ANKRD28: variants seen among roughly 807,000 people sequenced by gnomAD.
ANKRD28 encodes the protein ankyrin repeat domain 28.
In ANKRD28, 44 loss-of-function variants were observed where a neutral mutation model predicts 126.5. The observed-to-expected ratio is 0.35, with a 90% CI of 0.27 to 0.45. The LOEUF is 0.45. ANKRD28 is among the 20% of genes least tolerant of loss of function. The pLI is 1.00. For missense variants in ANKRD28, 1,110 were observed against 1,316.6 expected, an observed-to-expected ratio of 0.84 and a Z score of 2.43; for synonymous variants, 442 against 468.5, an observed-to-expected ratio of 0.94 and a Z score of 0.73.
chr3:15,679,855 AAAAC>A (rs1465724542), intron 21 of ANKRD28, among the ~76,000 whole-genome samples: 2 of 152,170 alleles, frequency 1.3e-5, no homozygotes, highest in African/African-American at 4.8e-5. Context: ...GGGGAAAAAA[AAAAC>A]AGAGCAGACT....
At position 15,742,374 on chromosome 3, in the gene ANKRD28, C is replaced by T. The variant is rs1456776781; in HGVS notation, c.352-5141G>A. ...CGCCCATCGTCTGAGATGTGGGGAG[C>T]GCCTCTGCCCCGCCGCCCCGTCTGG... On this transcript the variant is annotated intron_variant, in intron 4 of 27. Coordinates refer to ENST00000683139, the MANE Select transcript of ANKRD28 (RefSeq NM_001349278.2). 8.7e-5 allele frequency among the ~76,000 whole-genome samples: 13 copies of T among 149,504 alleles called. No individual in the cohort carries two copies. The East Asian group carries it at 2.0e-3, about 23-fold the overall frequency.
At chr3:15,671,726 C>A (rs1022534625) in intron 27 of ANKRD28, among the ~76,000 whole-genome samples, 1 of 151,552 alleles carries the variant, frequency 6.6e-6, no homozygotes, top group African/African-American at 2.4e-5. Context: ...TGGGATTACA[C>A]GTGTGTGCCA....
chr3:15,829,790 T>C (rs1039610769), intron 1 of ANKRD28, among the ~76,000 whole-genome samples: 1 of 152,210 alleles, frequency 6.6e-6, no homozygotes, highest in African/African-American at 2.4e-5. Context: ...AATTTCATCA[T>C]CTGTAACAAA....
chr3:15,688,494 G>C (rs2068410882), intron 18 of ANKRD28, among the ~76,000 whole-genome samples: 1 of 152,106 alleles, frequency 6.6e-6, no homozygotes, highest in Non-Finnish European at 1.5e-5. Flanking sequence ...TTAACCTCTT[G>C]TTCAAACCAT....
rs2061509934 is a variant in ANKRD28 at position 15,845,423 on chromosome 3, C to T, written c.27+13954G>A. The stretch of plus-strand genomic sequence containing the variant: ...CCTGAGAATGTCTAAAAGGTTACAG[C>T]TCCTTGGCATTATCTGTTGAAGTTT... On this transcript the variant is annotated intron_variant, in intron 1 of 27. Coordinates refer to the ANKRD28 transcript ENST00000399451. This position sits in a 1 kb window ranked among gnomAD's most constrained non-coding sequence, Gnocchi z 4.9. Among the ~76,000 whole-genome samples, 1 of 152,160 alleles carries T rather than the reference C, an allele frequency of 6.6e-6. No individual in the cohort carries two copies. The highest frequency in any genetic ancestry group is 2.4e-5 in the African/African-American group (1 of 41,428).
At chr3:15,714,508 G>T in intron 9 of ANKRD28, 70 bp downstream of exon 9, 5 of 1,097,366 alleles carry the variant, frequency 4.6e-6, no homozygotes, top group Non-Finnish European at 6.4e-6. Context: ...CCATTCATTT[G>T]GTGGATGTTT....
At chr3:15,759,141 T>C (rs904658895) in intron 3 of ANKRD28, among the ~76,000 whole-genome samples, 1 of 152,042 alleles carries the variant, frequency 6.6e-6, no homozygotes, top group Non-Finnish European at 1.5e-5. Flanking sequence ...AAATAGGTGG[T>C]TGGGGGAGGA....
At position 15,851,925 on chromosome 3, in the gene ANKRD28, T is replaced by C. The variant is rs191865837; in HGVS notation, c.27+7452A>G. Among the ~76,000 whole-genome samples, 4 of 152,290 alleles carry C rather than the reference T, an allele frequency of 2.6e-5. No individual in the cohort carries two copies. In the East Asian group the frequency reaches 7.7e-4, roughly 29 times the overall value. ...AAGAAAATATGGTATATCCATACAA[T>C]GGAATATTATTCACCAATTAAAAAT... On this transcript the variant is annotated intron_variant, in intron 1 of 27. Transcript: ENST00000399451.
chr3:15,800,361 CCT>C (rs1559555341), upstream of ANKRD28, among the ~76,000 whole-genome samples: 1 of 152,056 alleles, frequency 6.6e-6, no homozygotes, highest in African/African-American at 2.4e-5. Context: ...TATTTAGTAA[CCT>C]CTCTGTGCTC....
intron 6 of ANKRD28, among the ~76,000 whole-genome samples, chr3:15,725,264 G>A (rs2074068445): frequency 6.6e-6 from 1 of 152,186 alleles, no homozygotes; most frequent in Admixed American, 6.5e-5. Context: ...TAAGGAACTT[G>A]AGTATCTTCT....
At chr3:15,848,834 C>T (rs2061580150) in intron 1 of ANKRD28, among the ~76,000 whole-genome samples, 1 of 152,176 alleles carries the variant, frequency 6.6e-6, no homozygotes, top group African/African-American at 2.4e-5. Context: ...CTCACCACTT[C>T]TACTGAACAC....
intron 6 of ANKRD28, among the ~76,000 whole-genome samples, chr3:15,729,693 C>CT (rs2074434877): frequency 2.0e-5 from 3 of 151,808 alleles, no homozygotes; most frequent in Admixed American, 1.3e-4. Flanking sequence ...CAGAGGCACC[C>CT]CTCCCTCAAA....
At chr3:15,753,019 G>C (rs1251433508) in intron 3 of ANKRD28, among the ~76,000 whole-genome samples, 1 of 152,090 alleles carries the variant, frequency 6.6e-6, no homozygotes, top group Non-Finnish European at 1.5e-5. Context: ...AAATGGAGGT[G>C]TAAGAAACAT....
At chr3:15,844,519 G>A (rs1162998546) in intron 1 of ANKRD28, among the ~76,000 whole-genome samples, 1 of 152,048 alleles carries the variant, frequency 6.6e-6, no homozygotes, top group Non-Finnish European at 1.5e-5. Flanking sequence ...AAGGTGAGCA[G>A]GTAAAGGGTT....
Position 15,670,358 on chromosome 3 carries a change from T to C in ANKRD28, c.3164A>G (p.Tyr1055Cys), listed in dbSNP as rs557594125. ...LPIMRNEPSSYCSFNNIGGEQ... is the reference protein window; with the variant it reads ...LPIMRNEPSSCCSFNNIGGEQ... ...CCCTCCAATGTTATTGAAACTGCAA[T>C]AGGAGCTAGGTTCATTCCTCATGAT... The change falls in exon 28 of 28, where the codon TAT (tyrosine) becomes TGT (cysteine). Residue 1055 changes from tyrosine to cysteine, a missense_variant. Transcript: ENST00000683139. 4.3e-6 allele frequency: 7 copies of C among 1,613,768 alleles called. No individual in the cohort carries two copies. Among genetic ancestry groups the C allele is most frequent in the East Asian group, 2.2e-5 (1 of 44,872 alleles).
intron 1 of ANKRD28, among the ~76,000 whole-genome samples, chr3:15,850,733 T>A (rs73817146): frequency 4.9e-4 from 74 of 152,316 alleles, no homozygotes; most frequent in African/African-American, 1.6e-3. Context: ...TCCATCTCTA[T>A]CCTTTTGTAA....
intron 4 of ANKRD28, among the ~76,000 whole-genome samples, chr3:15,739,591 G>A (rs2075294433): frequency 6.6e-6 from 1 of 152,116 alleles, no homozygotes; most frequent in African/African-American, 2.4e-5. Flanking sequence ...GGGGGTGGGG[G>A]AAATAACATC....
chr3:15,744,871 T>C (rs959035216), intron 4 of ANKRD28, among the ~76,000 whole-genome samples: 2 of 152,148 alleles, frequency 1.3e-5, no homozygotes, highest in African/African-American at 2.4e-5. Flanking sequence ...AGTGTAAAAG[T>C]GTTCCCTTTT....
chr3:15,846,640 A>G lies in ANKRD28; in HGVS notation c.27+12737T>C, dbSNP rs1264673582. ...GATTAAAGTAATAGTGGATGCTGTA[A>G]TGGATAAATCCCAAATTATCACATA... On this transcript the variant is annotated intron_variant, in intron 1 of 27. Coordinates refer to the ANKRD28 transcript ENST00000399451. This position sits in a 1 kb window ranked among gnomAD's most constrained non-coding sequence, Gnocchi z 5.4. Among the ~76,000 whole-genome samples the G allele has an allele frequency of 6.6e-6, 1 of 152,258 alleles. No individual in the cohort carries two copies. Among genetic ancestry groups the G allele is most frequent in the East Asian group, 1.9e-4 (1 of 5,206 alleles).
Sources: allele counts gnomAD v4.1 joint callset (sites outside exome capture counted in the v4.1 genomes callset), GRCh38; gene constraint gnomAD v4.1.1; non-coding constraint Gnocchi (gnomAD v3.1); transcripts MANE v1.5; gene names NCBI Gene and HGNC (gene_info 2026-07-23, HGNC 2026-07-21).